NR5A2: variants seen among roughly 807,000 people sequenced by gnomAD.
NR5A2 encodes CYP7A promoter-binding factor.
NR5A2 carries 26 observed loss-of-function variants against 62.7 expected under a neutral mutation model. That is an observed-to-expected ratio of 0.41 (90% CI 0.30 to 0.58). The LOEUF (loss-of-function observed/expected upper bound fraction) is 0.58, where lower values mean the gene tolerates loss of function less well. Among genes scored for constraint, NR5A2 ranks in the 20% least tolerant of loss-of-function variants. NR5A2 has a pLI of 0.22. For missense variants in NR5A2, 541 were observed against 669.1 expected (o/e 0.81, Z 2.11); for synonymous variants, 246 against 241.7 (o/e 1.02, Z -0.16).
At position 200,040,012 on chromosome 1, in the gene NR5A2, C is replaced by T. The variant is rs771501674; in HGVS notation, c.202+217C>T. Among the ~76,000 whole-genome samples the T allele has an allele frequency of 6.6e-5, 10 of 152,240 alleles. No homozygotes were observed. The South Asian group carries it at 8.3e-4, about 13-fold the overall frequency. ...TTTTTCCAAGCAACGTCTAATTGGC[C>T]GCTTCTAATTAAGGAAAGAGAGGCT... is the stretch of plus-strand genomic sequence containing the variant. On this transcript the variant is annotated intron_variant, in intron 2 of 7. Coordinates refer to ENST00000367362, the MANE Select transcript of NR5A2 (RefSeq NM_205860.3).
intron 5 of NR5A2, among the ~76,000 whole-genome samples, chr1:200,050,393 G>A (rs1438337098): frequency 2.0e-5 from 3 of 152,160 alleles, no homozygotes; most frequent in African/African-American, 7.2e-5. Context: ...GTCTTCATAG[G>A]CAGGTTGTTA....
At chr1:200,052,705 G>A (rs1397757733) in intron 5 of NR5A2, among the ~76,000 whole-genome samples, 13 of 151,538 alleles carry the variant, frequency 8.6e-5, no homozygotes, top group South Asian at 6.2e-4. Flanking sequence ...GCAGTGGTGC[G>A]ATCTTGGCTC....
At chr1:200,110,788 G>C (rs1484495132) in intron 5 of NR5A2, among the ~76,000 whole-genome samples, 3 of 152,082 alleles carry the variant, frequency 2.0e-5, no homozygotes, top group Admixed American at 2.0e-4. Context: ...TACTATTTCA[G>C]CTTCACTTTA....
intron 7 of NR5A2, among the ~76,000 whole-genome samples, chr1:200,131,955 T>A (rs1314616588): frequency 6.6e-6 from 1 of 152,058 alleles, no homozygotes; most frequent in Non-Finnish European, 1.5e-5. Context: ...TCACACAAAA[T>A]ATATTGAGTG....
chr1:200,051,315 G>A (rs899806851), intron 5 of NR5A2, among the ~76,000 whole-genome samples: 1 of 152,064 alleles, frequency 6.6e-6, no homozygotes, highest in South Asian at 2.1e-4. Flanking sequence ...TACAGCTAGC[G>A]GCTGTAAGGC....
intron 5 of NR5A2, among the ~76,000 whole-genome samples, chr1:200,078,611 C>A (rs1021631732): frequency 6.6e-6 from 1 of 152,098 alleles, no homozygotes; most frequent in African/African-American, 2.4e-5. Context: ...TTCCAATATA[C>A]CCCTCTACTT....
chr1:200,132,271 A>C (rs1238850747), intron 7 of NR5A2, among the ~76,000 whole-genome samples: 1 of 152,144 alleles, frequency 6.6e-6, no homozygotes, highest in East Asian at 1.9e-4. Context: ...TGGCCTCCCA[A>C]AGTGCTGGGA....
At chr1:200,098,928 T>C (rs1427199650) in intron 5 of NR5A2, among the ~76,000 whole-genome samples, 2 of 152,240 alleles carry the variant, frequency 1.3e-5, no homozygotes, top group Admixed American at 6.5e-5. Flanking sequence ...CAAAAATTGT[T>C]GTTTACCTAG....
intron 7 of NR5A2, among the ~76,000 whole-genome samples, chr1:200,125,808 G>A (rs998490078): frequency 6.6e-6 from 1 of 152,120 alleles, no homozygotes; most frequent in Non-Finnish European, 1.5e-5. Flanking sequence ...CAAAATGGAT[G>A]GGTAAGACCT....
intron 5 of NR5A2, among the ~76,000 whole-genome samples, chr1:200,066,586 A>ATATTTTTTTTTTTT (rs1663480896): frequency 1.1e-5 from 1 of 87,780 alleles, no homozygotes; most frequent in African/African-American, 7.6e-5. Flanking sequence ...TTAATTAATT[A>ATATTTTTTTTTTTT]TCTTTTTTTT....
At chr1:200,032,098 C>A (rs1005285337) in intron 1 of NR5A2, among the ~76,000 whole-genome samples, 3 of 152,202 alleles carry the variant, frequency 2.0e-5, no homozygotes, top group Non-Finnish European at 2.9e-5. Flanking sequence ...ATGCACTAGG[C>A]AGGCAAGACA....
rs1654199137 is a variant in NR5A2, at chr1:200,171,906, G to C, written c.1379-2057G>C. Among the ~76,000 whole-genome samples, 3 of 152,154 alleles carry C rather than the reference G, an allele frequency of 2.0e-5. No individual in the cohort carries two copies. The South Asian group carries it at 6.2e-4, about 32-fold the overall frequency. On this transcript the variant is annotated intron_variant, in intron 7 of 7. Coordinates refer to ENST00000367362, the MANE Select transcript of NR5A2 (RefSeq NM_205860.3). ...CTTTTTGTTTTTCCTTAACAGAGCA[G>C]CATAGTTTATCACAGAATGTTAAAA...
At chr1:200,134,689 C>T (rs1667137124) in intron 7 of NR5A2, among the ~76,000 whole-genome samples, 1 of 152,134 alleles carries the variant, frequency 6.6e-6, no homozygotes, top group Non-Finnish European at 1.5e-5. Context: ...TACCATTTAT[C>T]CCAAGAGAAA....
intron 7 of NR5A2, among the ~76,000 whole-genome samples, chr1:200,152,141 G>C (rs1653158372): frequency 6.6e-6 from 1 of 152,180 alleles, no homozygotes; most frequent in South Asian, 2.1e-4. Context: ...TAGTCTGGGT[G>C]GGGGACTCTC....
chr1:200,040,963 C>A (rs1662041992), intron 2 of NR5A2, among the ~76,000 whole-genome samples: 1 of 152,234 alleles, frequency 6.6e-6, no homozygotes, highest in Non-Finnish European at 1.5e-5. Context: ...TCCCCTAGAG[C>A]TGAAGCCCCG....
chr1:200,129,741 G>GT (rs1336321011), intron 7 of NR5A2, among the ~76,000 whole-genome samples: 1 of 152,172 alleles, frequency 6.6e-6, no homozygotes, highest in Admixed American at 6.5e-5. Flanking sequence ...TCATGAAGGG[G>GT]TTTTTCTGCC....
At chr1:200,159,013 G>A (rs932845392) in intron 7 of NR5A2, among the ~76,000 whole-genome samples, 1 of 151,164 alleles carries the variant, frequency 6.6e-6, no homozygotes, top group Admixed American at 6.6e-5. Flanking sequence ...CCCCGCCTCA[G>A]ACTCCTGAGA....
intron 5 of NR5A2, among the ~76,000 whole-genome samples, chr1:200,093,356 G>A (rs949902600): frequency 6.6e-6 from 1 of 152,146 alleles, no homozygotes; most frequent in African/African-American, 2.4e-5. Context: ...GTAGGGCTTG[G>A]TGAATCCGGC....
chr1:200,047,679 C>T (rs1300076177), intron 4 of NR5A2, among the ~76,000 whole-genome samples: 1 of 151,546 alleles, frequency 6.6e-6, no homozygotes, highest in Non-Finnish European at 1.5e-5. Flanking sequence ...CGGGTTCAAG[C>T]GATTCTCCTG....
Sources: gnomAD v4.1 joint callset for allele counts (sites outside exome capture counted in the v4.1 genomes callset) on GRCh38, gnomAD v4.1.1 for gene constraint, MANE v1.5 for transcripts, NCBI Gene and HGNC (gene_info 2026-07-23, HGNC 2026-07-21) for gene names.